The following STAM2 variants were observed in gnomAD, a reference collection of about 807,000 sequenced individuals.
The protein encoded by STAM2 is signal transducing adapter molecule 2.
In STAM2, 51 loss-of-function variants were observed where a neutral mutation model predicts 65.6. The ratio of observed to expected loss-of-function variants is 0.78; its 90% CI spans 0.62 to 0.98. The LOEUF (loss-of-function observed/expected upper bound fraction) is 0.98. Among genes scored for constraint, STAM2 ranks in the 50% least tolerant of loss-of-function variants. The pLI is 0.00. For missense variants in STAM2, 584 were observed against 617.8 expected (o/e 0.95, Z 0.58); for synonymous variants, 198 against 208.4 (o/e 0.95, Z 0.43).
chr2:152,164,797 AG>A (rs1265762141), intron 1 of STAM2, among the ~76,000 whole-genome samples: 1 of 152,210 alleles, frequency 6.6e-6, no homozygotes, highest in East Asian at 1.9e-4. Context: ...ATTGAGCATA[AG>A]GGGAGCCAGG....
At chr2:152,136,005 G>A (rs191934960) in intron 7 of STAM2, among the ~76,000 whole-genome samples, 51 of 149,388 alleles carry the variant, frequency 3.4e-4, no homozygotes, top group Middle Eastern at 3.5e-3. Flanking sequence ...CAGGAGAATC[G>A]CTTAAACCCG....
At chr2:152,122,048 C>CAA (rs1172684242) in intron 13 of STAM2, among the ~76,000 whole-genome samples, 11 of 117,566 alleles carry the variant, frequency 9.4e-5, no homozygotes, top group African/African-American at 3.0e-4. Flanking sequence ...ACTCCGTCCC[C>CAA]AAAAAAAAAA....
Position 152,123,934 on chromosome 2 carries a change from G to A in STAM2, c.1181C>T (p.Thr394Ile). ...TCCACCATGTGATTGAACTGGATAT[G>A]TCTATTAATCAGAAAGAAAAAGTTG... is the stretch of plus-strand genomic sequence containing the variant. ...PPASSGVPMQ[T>I]YPVQSHGGNY... The change falls in exon 13 of 14, where the codon ACA becomes ATA. Residue 394 changes from threonine to isoleucine, a missense_variant and splice_region_variant. Thr to Ile is a moderately conservative substitution (Grantham distance 89, BLOSUM62 -1). Coordinates refer to ENST00000263904, the MANE Select transcript of STAM2 (RefSeq NM_005843.6). The A allele has an allele frequency of 1.9e-6, 3 of 1,612,774 alleles. No homozygotes were observed. The highest frequency in any genetic ancestry group is 4.5e-5 in the East Asian group (2 of 44,868).
At chr2:152,132,054 G>C in intron 11 of STAM2, 60 bp downstream of exon 11, 1 of 1,273,612 alleles carries the variant, frequency 7.9e-7, no homozygotes, top group Admixed American at 1.8e-5. Context: ...TTTACTGTTT[G>C]CCAAAACACA....
At chr2:152,152,418 A>C (rs889006955) in intron 1 of STAM2, among the ~76,000 whole-genome samples, 1 of 151,990 alleles carries the variant, frequency 6.6e-6, no homozygotes, top group Non-Finnish European at 1.5e-5. Flanking sequence ...GTGTGGTGGC[A>C]GGCGCCTGTA....
intron 1 of STAM2, 35 bp downstream of exon 1, chr2:152,175,568 G>A (rs1434451251): frequency 1.9e-6 from 3 of 1,613,470 alleles, no homozygotes; most frequent in South Asian, 2.2e-5. Flanking sequence ...CCAGGGCCAG[G>A]CACACAGCAG....
chr2:152,144,607 T>C (rs4664534), intron 6 of STAM2: 111,511 of 273,384 alleles, frequency 0.41, 26,098 homozygotes, highest in East Asian at 0.85. Flanking sequence ...GGTGCCATCT[T>C]GGCTCACTGC....
rs1175396538 is a variant in STAM2 at position 152,117,635 on chromosome 2, TTA to T, written c.*2937_*2938del. ...ATTATAGATCAGTGCTATTTATAATTTATTACTTATCAAAGTAACTCCAGCTT... is the reference window on the plus strand; with the variant it reads ...ATTATAGATCAGTGCTATTTATAATTTTACTTATCAAAGTAACTCCAGCTT... On this transcript the variant is annotated 3_prime_UTR_variant, in exon 14 of 14. Transcript: ENST00000263904. 1 of 152,192 alleles carries T rather than the reference TTA, an allele frequency of 6.6e-6. No individual in the cohort carries two copies. The highest frequency in any genetic ancestry group is 2.4e-5 in the African/African-American group (1 of 41,446). 9.4% of individuals were successfully genotyped at this position (152,192 alleles called of 1,614,324 possible). A position where few individuals can be genotyped will look rare whatever the true frequency, so the allele number is the denominator to read the frequency against.
At chr2:152,146,693 A>G (rs554878354) in intron 5 of STAM2, among the ~76,000 whole-genome samples, 2 of 152,300 alleles carry the variant, frequency 1.3e-5, no homozygotes, top group East Asian at 3.9e-4. Flanking sequence ...AATACATTCA[A>G]GTCTCAAAAT....
chr2:152,123,914 C>G lies in STAM2; in HGVS notation c.1201G>C (p.Gly401Arg). 6.2e-7 allele frequency: 1 copy of G among 1,614,016 alleles called. No homozygotes were observed. ...ATGCTCTGACCCATATAGTTTCCAC[C>G]ATGTGATTGAACTGGATATGTCTAT... ...PMQTYPVQSHGGNYMGQSIHQ... is the reference protein window; with the variant it reads ...PMQTYPVQSHRGNYMGQSIHQ... The change falls in exon 13 of 14, where the codon GGT (glycine) becomes CGT (arginine). Residue 401 changes from glycine to arginine, a missense_variant. Physicochemically the swap from Gly to Arg is moderately radical, Grantham distance 125 (BLOSUM62 -2). Coordinates refer to ENST00000263904, the MANE Select transcript of STAM2 (RefSeq NM_005843.6).
chr2:152,159,767 C>G (rs899553441), intron 1 of STAM2, among the ~76,000 whole-genome samples: 5 of 152,226 alleles, frequency 3.3e-5, no homozygotes, highest in Non-Finnish European at 7.3e-5. Flanking sequence ...CACGGTCTCC[C>G]TCTGATGACG....
At chr2:152,132,040 C>A in intron 11 of STAM2, 74 bp downstream of exon 11, 1 of 1,085,526 alleles carries the variant, frequency 9.2e-7, no homozygotes, top group Admixed American at 2.0e-5. Context: ...AAAACTTTCC[C>A]TACTTTACTG....
chr2:152,135,515 C>T lies in STAM2; in HGVS notation c.793G>A (p.Glu265Lys), dbSNP rs759107085. 39 of 1,604,302 alleles carry T rather than the reference C, an allele frequency of 2.4e-5. No individual in the cohort carries two copies. The highest frequency in any genetic ancestry group is 3.2e-5 in the Non-Finnish European group (37 of 1,173,996). ...FVTTNLNIET[E>K]AAAVDKLNVI... ...CGTCTAAGATTTAACTTACCTGCCT[C>T]AGTCTCTATGTTTAAATTAGTTGTT... The change falls in exon 8 of 14, where the codon GAG becomes AAG. Residue 265 changes from glutamate (E) to lysine (K), a missense_variant. Physicochemically the swap from Glu to Lys is moderately conservative, Grantham distance 56. Transcript: ENST00000263904.
At chr2:152,127,626 A>T (rs1489571673) in intron 11 of STAM2, among the ~76,000 whole-genome samples, 3 of 151,960 alleles carry the variant, frequency 2.0e-5, no homozygotes, top group Non-Finnish European at 4.4e-5. Flanking sequence ...TTAAATAATT[A>T]TCCTTGAAAA....
At chr2:152,124,010 A>C (rs1688909701) in intron 12 of STAM2, 75 bp from the exon 13 acceptor site, 2 of 1,266,162 alleles carry the variant, frequency 1.6e-6, no homozygotes, top group Admixed American at 2.1e-5. Context: ...AAATGTTAAA[A>C]GACTTAAAGG....
At chr2:152,163,183 A>T (rs1689715913) in intron 1 of STAM2, among the ~76,000 whole-genome samples, 1 of 152,216 alleles carries the variant, frequency 6.6e-6, no homozygotes, top group African/African-American at 2.4e-5. Context: ...GAACGAATGG[A>T]GGGACTGGCT....
Position 152,137,942 on chromosome 2 carries a change from T to A in STAM2, c.705-2339A>T, listed in dbSNP as rs1689185502. 5.3e-5 allele frequency among the ~76,000 whole-genome samples: 8 copies of A among 152,272 alleles called. No individual in the cohort carries two copies. The South Asian group carries it at 1.7e-3, about 32-fold the overall frequency. On this transcript the variant is annotated intron_variant, in intron 7 of 13. Coordinates refer to ENST00000263904, the MANE Select transcript of STAM2 (RefSeq NM_005843.6). ...TCTATTCATGAGCCTATTTCTAGAC[T>A]CCATTCTGTTGCAATAGTCCATGTA...
At chr2:152,155,816 T>C (rs1235962167) in intron 1 of STAM2, among the ~76,000 whole-genome samples, 1 of 152,230 alleles carries the variant, frequency 6.6e-6, no homozygotes, top group Non-Finnish European at 1.5e-5. Flanking sequence ...AAATCTTTAA[T>C]GTATTTAGAA....
At position 152,121,586 on chromosome 2, in the gene STAM2, T is replaced by C. The variant is rs1688854101; in HGVS notation, c.1350-784A>G. Among the ~76,000 whole-genome samples the C allele has an allele frequency of 2.0e-5, 3 of 152,222 alleles. No homozygotes were observed. In the South Asian group the frequency reaches 6.2e-4, roughly 32 times the overall value. On this transcript the variant is annotated intron_variant, in intron 13 of 13. Coordinates refer to ENST00000263904, the MANE Select transcript of STAM2 (RefSeq NM_005843.6). ...TCCTTCAGTAAGGACTTTCTACTTT[T>C]AAAAGGAAAACAGCATAGTCTGTAT...
Sources: gnomAD v4.1 joint callset for allele counts (sites outside exome capture counted in the v4.1 genomes callset) on GRCh38, gnomAD v4.1.1 for gene constraint, MANE v1.5 for transcripts, NCBI Gene and HGNC (gene_info 2026-07-23, HGNC 2026-07-21) for gene names.